Variants in SLC37A2 observed in about 807,000 individuals in gnomAD.
The protein encoded by SLC37A2 is glucose-6-phosphate exchanger SLC37A2.
Under a neutral mutation model 70.7 loss-of-function variants are expected in SLC37A2, and 59 were observed. That is an observed-to-expected ratio of 0.83 (90% CI 0.68 to 1.04). The LOEUF is 1.04. SLC37A2 is among the 50% of genes least tolerant of loss of function. The pLI, the probability that SLC37A2 is intolerant of heterozygous loss-of-function variation, is 0.00. For missense variants in SLC37A2, 580 were observed against 658.1 expected (o/e 0.88, Z 1.30); for synonymous variants, 257 against 262.1 (o/e 0.98, Z 0.19).
chr11:125,086,670 G>C (rs779927562), intron 17 of SLC37A2: 1 of 287,934 alleles, frequency 3.5e-6, no homozygotes, highest in Non-Finnish European at 6.7e-6. Context: ...ATCAAGCATG[G>C]GTGGCTGGCC....
In SLC37A2 at chr11:125,066,990, A is replaced by AT. The variant is rs990043792; in HGVS notation, c.59+3570dup. On this transcript the variant is annotated intron_variant, in intron 1 of 17. Coordinates refer to ENST00000403796, the MANE Select transcript of SLC37A2 (RefSeq NM_001145290.2). ...ATTTTATTTTATTTTATTTTATTTT[A>AT]TTTTTTCGAGACAAAGTCTTGCTCT... is the stretch of plus-strand genomic sequence containing the variant. Among the ~76,000 whole-genome samples, 37 of 152,006 alleles carry AT rather than the reference A, an allele frequency of 2.4e-4. 1 individual carries two copies. Among genetic ancestry groups the AT allele is most frequent in the Admixed American group, 2.1e-3 (32 of 15,240 alleles).
chr11:125,088,984 CAAG>C lies in SLC37A2; in HGVS notation c.*854_*856del, dbSNP rs1224564398. On this transcript the variant is annotated 3_prime_UTR_variant, in exon 18 of 18. Coordinates refer to ENST00000403796, the MANE Select transcript of SLC37A2 (RefSeq NM_001145290.2). ...CTAGGAATGGAGTAGACAGTGGACA[CAAG>C]AAGGACTTACGCCCTGAGCACAGGT... The C allele has an allele frequency of 6.6e-6, 1 of 152,202 alleles. No homozygotes were observed. The highest frequency in any genetic ancestry group is 1.5e-5 in the Non-Finnish European group (1 of 68,072). 9.4% of individuals were successfully genotyped at this position (152,202 alleles called of 1,614,324 possible). A position where few individuals can be genotyped will look rare whatever the true frequency, so the allele number is the denominator to read the frequency against.
intron 1 of SLC37A2, among the ~76,000 whole-genome samples, chr11:125,065,118 A>AT (rs1948968693): frequency 6.6e-6 from 1 of 152,216 alleles, no homozygotes; most frequent in Admixed American, 6.5e-5. Context: ...ACTTCAAAGA[A>AT]TTTTAAAATA....
At chr11:125,076,950 G>C (rs1351385362) in intron 2 of SLC37A2, 112 bp downstream of exon 2, 7 of 1,014,320 alleles carry the variant, frequency 6.9e-6, no homozygotes, top group African/African-American at 1.6e-5. Flanking sequence ...CCCACTCTCA[G>C]TGGCTGTCTT....
chr11:125,071,594 A>T (rs112758358), intron 1 of SLC37A2, among the ~76,000 whole-genome samples: 4 of 152,180 alleles, frequency 2.6e-5, no homozygotes, highest in Non-Finnish European at 4.4e-5. Flanking sequence ...TTTCTCTAGG[A>T]AGGCTCTCAG....
intron 4 of SLC37A2, among the ~76,000 whole-genome samples, chr11:125,078,639 C>T (rs1291715826): frequency 1.3e-5 from 2 of 151,972 alleles, no homozygotes; most frequent in East Asian, 3.9e-4. Flanking sequence ...ATGATGAAGG[C>T]GTCAGGGTGG....
At chr11:125,082,609 G>T (rs1191654042) in intron 10 of SLC37A2, among the ~76,000 whole-genome samples, 1 of 152,156 alleles carries the variant, frequency 6.6e-6, no homozygotes, top group East Asian at 1.9e-4. Context: ...TGCAATTCTT[G>T]CTATCTTCTT....
At chr11:125,068,304 G>A (rs935423940) in intron 1 of SLC37A2, among the ~76,000 whole-genome samples, 7 of 152,154 alleles carry the variant, frequency 4.6e-5, no homozygotes, top group African/African-American at 1.2e-4. Context: ...CATTCTTGAC[G>A]TCTTGTGGCT....
chr11:125,072,371 G>A (rs889834823), intron 1 of SLC37A2, among the ~76,000 whole-genome samples: 1 of 152,090 alleles, frequency 6.6e-6, no homozygotes, highest in Non-Finnish European at 1.5e-5. Flanking sequence ...AGTATCCGGT[G>A]GGGGGGAGGT....
Position 125,063,450 on chromosome 11 carries a change from C to A in SLC37A2, c.59+24C>A. ...TGGTGAGCGGGGCAGGGGAGGGAGG[C>A]GTGCCGGGACCTCCTGGGCTCGGGG... On this transcript the variant is annotated intron_variant, in intron 1 of 17. Transcript: ENST00000403796. The surrounding 1 kb of genome is among the most constrained non-coding windows in gnomAD (Gnocchi z 5.4). 1 of 1,603,188 alleles carries A rather than the reference C, an allele frequency of 6.2e-7. No individual in the cohort carries two copies.
At chr11:125,079,599 AAC>A in intron 5 of SLC37A2, 83 bp from the exon 6 acceptor site, 1 of 1,104,768 alleles carries the variant, frequency 9.1e-7, no homozygotes, top group South Asian at 1.4e-5. Flanking sequence ...CACGAAATTG[AAC>A]CTCCTCAGCC....
At chr11:125,076,929 C>A in intron 2 of SLC37A2, 91 bp downstream of exon 2, 1 of 1,214,730 alleles carries the variant, frequency 8.2e-7, no homozygotes, top group Non-Finnish European at 1.2e-6. Context: ...TGCACCTTCA[C>A]CTGGCAGGCT....
chr11:125,067,043 G>A (rs1281723068), intron 1 of SLC37A2, among the ~76,000 whole-genome samples: 1 of 151,156 alleles, frequency 6.6e-6, no homozygotes, highest in African/African-American at 2.5e-5. Context: ...GCAGTGGCAC[G>A]ATCATAGCTC....
At chr11:125,068,923 G>C (rs1369317800) in intron 1 of SLC37A2, among the ~76,000 whole-genome samples, 1 of 152,244 alleles carries the variant, frequency 6.6e-6, no homozygotes, top group African/African-American at 2.4e-5. Flanking sequence ...CATTTAAGAA[G>C]TGAAGAAGAC....
intron 7 of SLC37A2, among the ~76,000 whole-genome samples, chr11:125,081,200 G>A (rs1285243761): frequency 6.6e-6 from 1 of 152,126 alleles, no homozygotes; most frequent in Non-Finnish European, 1.5e-5. Context: ...AGGCAGTAGT[G>A]ACACTGCTGG....
chr11:125,086,305 G>A (rs1477626340), intron 17 of SLC37A2: 3 of 1,367,184 alleles, frequency 2.2e-6, no homozygotes, highest in African/African-American at 1.4e-5. Flanking sequence ...CATTTGAGTG[G>A]GGGCTGCATG....
chr11:125,079,887 G>A (rs1015381133), intron 6 of SLC37A2, 127 bp downstream of exon 6: 43 of 708,294 alleles, frequency 6.1e-5, no homozygotes, highest in African/African-American at 2.1e-4. Context: ...TGCTGTTCAC[G>A]TGCTTAGAAG....
Position 125,080,618 on chromosome 11 carries a change from G to C in SLC37A2, c.532G>C (p.Gly178Arg), listed in dbSNP as rs1160313261. The part of the protein sequence containing the change: ...VGNWFGKGKR[G>R]FIMGIWNSHT... The stretch of plus-strand genomic sequence containing the variant: ...CCTTCTCTCCCTCCCTTCCAGGCGG[G>C]GGTTCATCATGGGCATCTGGAATTC... Residue 178 changes from glycine (G) to arginine (R), a missense_variant, in exon 7 of 18, where the codon GGG (glycine) becomes CGG (arginine). Gly to Arg is a moderately radical substitution (Grantham distance 125). Coordinates refer to ENST00000403796, the MANE Select transcript of SLC37A2 (RefSeq NM_001145290.2). The surrounding 1 kb of genome is among the most constrained non-coding windows in gnomAD (Gnocchi z 4.3). 1 of 1,499,284 alleles carries C rather than the reference G, an allele frequency of 6.7e-7. No homozygotes were observed. The highest frequency in any genetic ancestry group is 2.2e-5 in the Admixed American group (1 of 44,962). The allele number at this position is 1,499,284 out of a possible 1,614,324, so 92.9% of individuals were successfully genotyped here.
At chr11:125,082,878 G>C (rs190720147) in intron 10 of SLC37A2, among the ~76,000 whole-genome samples, 1 of 152,168 alleles carries the variant, frequency 6.6e-6, no homozygotes, top group Non-Finnish European at 1.5e-5. Context: ...ACCTACTCCC[G>C]TCTGCTCCTG....
Sources: allele counts gnomAD v4.1 joint callset (sites outside exome capture counted in the v4.1 genomes callset), GRCh38; gene constraint gnomAD v4.1.1; non-coding constraint Gnocchi (gnomAD v3.1); transcripts MANE v1.5; gene names NCBI Gene and HGNC (gene_info 2026-07-23, HGNC 2026-07-21).